The following CNTNAP2 variants were observed in gnomAD, a reference collection of about 807,000 sequenced individuals.
CNTNAP2 encodes the protein contactin-associated protein-like 2.
A neutral mutation model predicts 155.2 loss-of-function variants in CNTNAP2; 98 were observed. That is an observed-to-expected ratio of 0.63 (90% CI 0.54 to 0.75). The LOEUF (loss-of-function observed/expected upper bound fraction) is 0.75, where lower values mean the gene tolerates loss of function less well. Among genes scored for constraint, CNTNAP2 ranks in the 30% least tolerant of loss-of-function variants. CNTNAP2 has a pLI of 0.00. For missense variants in CNTNAP2, 1,727 were observed against 1,688.1 expected (o/e 1.02, Z -0.40); for synonymous variants, 651 against 631.2 (o/e 1.03, Z -0.47).
At chr7:146,160,572 A>G (rs987150759) in intron 1 of CNTNAP2, among the ~76,000 whole-genome samples, 3 of 152,220 alleles carry the variant, frequency 2.0e-5, no homozygotes, top group African/African-American at 7.2e-5. Context: ...TACTACAAAC[A>G]TCTCCACGCA....
intron 1 of CNTNAP2, among the ~76,000 whole-genome samples, chr7:146,665,239 G>A (rs1016730817): frequency 2.6e-5 from 4 of 152,116 alleles, no homozygotes; most frequent in South Asian, 2.1e-4. Context: ...GTGAGCCACC[G>A]CGCCCGGCGT....
At chr7:146,130,137 A>T (rs1269875333) in intron 1 of CNTNAP2, among the ~76,000 whole-genome samples, 1 of 152,226 alleles carries the variant, frequency 6.6e-6, no homozygotes, top group Non-Finnish European at 1.5e-5. Flanking sequence ...GTCTATCAGC[A>T]AATAGAAAAG....
rs1200857170 is a variant in CNTNAP2, at chr7:147,517,309, G to T, written c.1777+31268G>T. Among the ~76,000 whole-genome samples the T allele has an allele frequency of 1.5e-4, 23 of 152,170 alleles. 2 individuals carry two copies. Among genetic ancestry groups the T allele is most frequent in the Non-Finnish European group, 4.4e-5 (3 of 68,038 alleles). ...GGCAGCTCTGACTGTTAGGGTTAGG[G>T]TCTTATATGGCAAGTACGAATACTC... On this transcript the variant is annotated intron_variant, in intron 11 of 23. Transcript: ENST00000361727.
At chr7:146,568,422 T>A (rs1253434288) in intron 1 of CNTNAP2, among the ~76,000 whole-genome samples, 1 of 152,174 alleles carries the variant, frequency 6.6e-6, no homozygotes, top group Non-Finnish European at 1.5e-5. Flanking sequence ...AAAGGAGCAG[T>A]TTCTTTATAT....
intron 10 of CNTNAP2, among the ~76,000 whole-genome samples, chr7:147,429,200 G>A (rs1386627481): frequency 6.6e-6 from 1 of 151,012 alleles, no homozygotes; most frequent in East Asian, 2.0e-4. Flanking sequence ...CCACTTGTTG[G>A]TCAATGGATA....
At chr7:148,282,128 C>T (rs933174784) in intron 21 of CNTNAP2, among the ~76,000 whole-genome samples, 6 of 152,166 alleles carry the variant, frequency 3.9e-5, no homozygotes, top group South Asian at 4.2e-4. Context: ...CAGCCTTCAA[C>T]GATATTTTCA....
chr7:146,883,167 G>A (rs559195685), intron 3 of CNTNAP2, among the ~76,000 whole-genome samples: 27 of 152,148 alleles, frequency 1.8e-4, no homozygotes, highest in African/African-American at 6.3e-4. Flanking sequence ...AATTATTTTA[G>A]CCATGGATAT....
chr7:147,566,599 C>G (rs1004327214), intron 12 of CNTNAP2, among the ~76,000 whole-genome samples: 12 of 152,066 alleles, frequency 7.9e-5, no homozygotes, highest in Non-Finnish European at 1.3e-4. Flanking sequence ...CAGGAGAGAG[C>G]ATGTGAAGGC....
At chr7:146,962,483 T>C (rs1797574522) in intron 3 of CNTNAP2, among the ~76,000 whole-genome samples, 2 of 152,206 alleles carry the variant, frequency 1.3e-5, no homozygotes, top group African/African-American at 4.8e-5. Flanking sequence ...CCACTTTGGG[T>C]AAAATATGAC....
At chr7:147,452,190 A>C (rs1421659232) in intron 10 of CNTNAP2, among the ~76,000 whole-genome samples, 2 of 152,266 alleles carry the variant, frequency 1.3e-5, no homozygotes, top group East Asian at 1.9e-4. Flanking sequence ...AAAAAGGATT[A>C]CATAGAACTA....
intron 1 of CNTNAP2, among the ~76,000 whole-genome samples, chr7:146,497,301 C>T (rs1797232812): frequency 1.3e-5 from 2 of 152,060 alleles, no homozygotes; most frequent in Non-Finnish European, 2.9e-5. Context: ...TACTAGTTTT[C>T]TGATTAAAAC....
intron 11 of CNTNAP2, among the ~76,000 whole-genome samples, chr7:147,543,726 C>T (rs897629476): frequency 1.3e-5 from 2 of 152,126 alleles, no homozygotes; most frequent in African/African-American, 4.8e-5. Flanking sequence ...AAGCTTAACC[C>T]TCACTGTTTG....
At chr7:146,322,634 C>CTCTTTTTTTTTTT (rs748751758) in intron 1 of CNTNAP2, among the ~76,000 whole-genome samples, 1 of 64,964 alleles carries the variant, frequency 1.5e-5, no homozygotes, top group Non-Finnish European at 2.7e-5. Flanking sequence ...TGTTCATTCT[C>CTCTTTTTTTTTTT]TTTTTTTTTT....
At chr7:146,552,796 G>C (rs10236561) in intron 1 of CNTNAP2, among the ~76,000 whole-genome samples, 117,473 of 151,914 alleles carry the variant, frequency 0.77, 45,899 homozygotes, top group South Asian at 0.89. Flanking sequence ...GAACATCCTG[G>C]CATTCTCCCG....
intron 8 of CNTNAP2, among the ~76,000 whole-genome samples, chr7:147,193,794 T>C (rs970567885): frequency 1.3e-5 from 2 of 152,032 alleles, no homozygotes; most frequent in Non-Finnish European, 2.9e-5. Context: ...TACAAAAACT[T>C]CCATGCCCTT....
intron 9 of CNTNAP2, among the ~76,000 whole-genome samples, chr7:147,370,645 A>G (rs945083137): frequency 6.6e-6 from 1 of 152,156 alleles, no homozygotes; most frequent in Admixed American, 6.6e-5. Context: ...ATGTAAGACA[A>G]TATGCCTAAT....
At chr7:146,934,631 C>G (rs2129223967) in intron 3 of CNTNAP2, among the ~76,000 whole-genome samples, 1 of 152,062 alleles carries the variant, frequency 6.6e-6, no homozygotes, top group East Asian at 1.9e-4. Context: ...TTCAAATTTT[C>G]AACAATGGAC....
At chr7:146,728,122 C>A (rs1801463685) in intron 1 of CNTNAP2, among the ~76,000 whole-genome samples, 2 of 152,282 alleles carry the variant, frequency 1.3e-5, no homozygotes, top group South Asian at 2.1e-4. Flanking sequence ...CGGAGGACAT[C>A]TTTCTGGGGA....
At chr7:146,774,462 C>A in intron 2 of CNTNAP2, 81 bp downstream of exon 2, 1 of 966,914 alleles carries the variant, frequency 1.0e-6, no homozygotes, top group Non-Finnish European at 1.6e-6. Context: ...TATATATAAT[C>A]ACACAACAGA....
Sources: gnomAD v4.1 joint callset for allele counts (sites outside exome capture counted in the v4.1 genomes callset) on GRCh38, gnomAD v4.1.1 for gene constraint, MANE v1.5 for transcripts, NCBI Gene and HGNC (gene_info 2026-07-23, HGNC 2026-07-21) for gene names.